VCL: variants seen among roughly 807,000 people sequenced by gnomAD.
VCL encodes vinculin.
In VCL, 47 loss-of-function variants were observed where a neutral mutation model predicts 125.7. The ratio of observed to expected loss-of-function variants is 0.37; its 90% CI spans 0.30 to 0.48. The LOEUF (loss-of-function observed/expected upper bound fraction) is 0.48, where lower values mean the gene tolerates loss of function less well. VCL is among the 20% of genes least tolerant of loss of function. The probability of loss-of-function intolerance (pLI) is 0.99; values close to 1 mark genes in which losing one functional copy is unlikely to be tolerated. For synonymous variants in VCL, 458 were observed against 514.6 expected, an observed-to-expected ratio of 0.89 and a Z score of 1.49; for missense variants, 1,069 against 1,455.5, an observed-to-expected ratio of 0.73 and a Z score of 4.32.
intron 8 of VCL, among the ~76,000 whole-genome samples, chr10:74,087,545 A>G (rs1407633195): frequency 1.6e-5 from 2 of 124,902 alleles, no homozygotes; most frequent in Non-Finnish European, 3.3e-5. Context: ...GATTTTTAGT[A>G]GAGACGGGGT....
chr10:74,066,927 C>T (rs1841579099), intron 2 of VCL, among the ~76,000 whole-genome samples: 1 of 152,116 alleles, frequency 6.6e-6, no homozygotes, highest in South Asian at 2.1e-4. Flanking sequence ...CTTGGCCTCC[C>T]AAAGTGCTGG....
chr10:74,002,402 G>A (rs1394346063), intron 1 of VCL, among the ~76,000 whole-genome samples: 2 of 152,050 alleles, frequency 1.3e-5, no homozygotes, highest in Non-Finnish European at 2.9e-5. Context: ...TGGGATTACA[G>A]GCGTGAGCCA....
In VCL at chr10:74,084,458, A is replaced by T. The variant is rs1414207854; in HGVS notation, c.1022+945A>T. On this transcript the variant is annotated intron_variant, in intron 8 of 21. Transcript: ENST00000211998. ...AGGCATGGGCTGCCACACCTGGCTA[A>T]TTTTTTATAATTTTAGTAGAGACAG... 3.3e-5 allele frequency among the ~76,000 whole-genome samples: 5 copies of T among 151,316 alleles called. No individual in the cohort carries two copies. The East Asian group carries it at 9.9e-4, about 30-fold the overall frequency.
intron 2 of VCL, among the ~76,000 whole-genome samples, chr10:74,060,067 T>C (rs1841454833): frequency 6.6e-6 from 1 of 151,276 alleles, no homozygotes; most frequent in East Asian, 2.0e-4. Flanking sequence ...GAGGCTGAGG[T>C]GGGAGGATCA....
intron 2 of VCL, 24 bp from the exon 3 acceptor site, chr10:74,070,646 G>A (rs746874425): frequency 1.9e-6 from 3 of 1,613,866 alleles, no homozygotes. Context: ...CTGCCGGTGT[G>A]TTAACCTGTG....
chr10:74,084,623 T>G (rs947560588), intron 8 of VCL, among the ~76,000 whole-genome samples: 1 of 151,138 alleles, frequency 6.6e-6, no homozygotes, highest in African/African-American at 2.4e-5. Flanking sequence ...TCTTTTTTAT[T>G]TTTTTGAGAT....
chr10:74,087,535 G>GTTTTTTTTTTTT (rs1839804570), intron 8 of VCL, among the ~76,000 whole-genome samples: 1 of 134,926 alleles, frequency 7.4e-6, no homozygotes, highest in Non-Finnish European at 1.6e-5. Context: ...TTTTTTTTTG[G>GTTTTTTTTTTTT]ATTTTTAGTA....
chr10:74,015,702 T>TGA (rs1220330636), intron 1 of VCL, among the ~76,000 whole-genome samples: 1 of 151,806 alleles, frequency 6.6e-6, no homozygotes, highest in African/African-American at 2.4e-5. Context: ...TTTTTTTTTT[T>TGA]GAGAGGAAGT....
intron 15 of VCL, 44 bp downstream of exon 15, chr10:74,103,972 T>C (rs1213691225): frequency 6.3e-7 from 1 of 1,587,404 alleles, no homozygotes; most frequent in East Asian, 2.2e-5. Context: ...CCATGAAGAA[T>C]GAGTTCTGAG....
chr10:74,089,572 C>T (rs1197666147), intron 9 of VCL, among the ~76,000 whole-genome samples: 5 of 152,172 alleles, frequency 3.3e-5, no homozygotes, highest in Admixed American at 6.5e-5. Flanking sequence ...TAATTTACAG[C>T]ACTTCAGTTA....
chr10:74,015,829 C>T (rs1840527546), intron 1 of VCL, among the ~76,000 whole-genome samples: 2 of 151,984 alleles, frequency 1.3e-5, no homozygotes, highest in Non-Finnish European at 2.9e-5. Context: ...GGATTACAGT[C>T]ATCCACCACC....
Position 74,028,954 on chromosome 10 carries a change from G to A in VCL, c.169-14129G>A, listed in dbSNP as rs372544727. On this transcript the variant is annotated intron_variant, in intron 1 of 21. Transcript: ENST00000211998. ...TTTGGGAGGCCCCTGGAGTAGTTGG[G>A]ACTACAGCTAGGTGCCACCATGCCC... 1.3e-5 allele frequency among the ~76,000 whole-genome samples: 2 copies of A among 152,078 alleles called. 1 individual carries two copies. The highest frequency in any genetic ancestry group is 4.8e-5 in the African/African-American group (2 of 41,508).
chr10:74,039,324 ATTCTT>A (rs1375381876), intron 1 of VCL, among the ~76,000 whole-genome samples: 1 of 145,760 alleles, frequency 6.9e-6, no homozygotes, highest in Non-Finnish European at 1.5e-5. Context: ...ACACAATTCT[ATTCTT>A]TTCTCCATTT....
Position 74,073,219 on chromosome 10 carries a change from G to A in VCL, c.622+367G>A, listed in dbSNP as rs114996724. Among the ~76,000 whole-genome samples, 1,142 of 152,246 alleles carry A rather than the reference G, an allele frequency of 7.5e-3. 17 individuals are homozygous for A. Among genetic ancestry groups the A allele is most frequent in the African/African-American group, 0.026 (1,082 of 41,532 alleles). Reference sequence around the variant, plus strand: ...CTCCCAGAGTGCTGGGATTACATGCGTGAGCCATGGCTCCTGGCCTGAGGT... The same window carrying A: ...CTCCCAGAGTGCTGGGATTACATGCATGAGCCATGGCTCCTGGCCTGAGGT... On this transcript the variant is annotated intron_variant, in intron 5 of 21. Coordinates refer to ENST00000211998, the MANE Select transcript of VCL (RefSeq NM_014000.3).
intron 21 of VCL, 25 bp from the exon 22 acceptor site, chr10:74,117,998 A>G (rs759451761): frequency 6.2e-7 from 1 of 1,613,458 alleles, no homozygotes; most frequent in Non-Finnish European, 8.5e-7. Flanking sequence ...ACCCTGGGTA[A>G]CGGAAAGTAC....
intron 2 of VCL, among the ~76,000 whole-genome samples, chr10:74,061,907 C>CTTTTT (rs11439344): frequency 7.7e-6 from 1 of 129,378 alleles, no homozygotes; most frequent in Non-Finnish European, 1.6e-5. Context: ...AACCAATCTA[C>CTTTTT]TTTTTTTTTT....
chr10:74,019,310 A>G (rs2136232433), intron 1 of VCL, among the ~76,000 whole-genome samples: 1 of 152,308 alleles, frequency 6.6e-6, no homozygotes, highest in African/African-American at 2.4e-5. Flanking sequence ...ATAGGTATAC[A>G]TGTGCCATGG....
intron 1 of VCL, among the ~76,000 whole-genome samples, chr10:74,016,636 A>T (rs1011468352): frequency 6.6e-6 from 1 of 152,206 alleles, no homozygotes; most frequent in Non-Finnish European, 1.5e-5. Context: ...TATTGTTTTG[A>T]GGCTGCAAGA....
intron 2 of VCL, among the ~76,000 whole-genome samples, chr10:74,050,115 A>G (rs1841273122): frequency 6.6e-6 from 1 of 152,224 alleles, no homozygotes; most frequent in Non-Finnish European, 1.5e-5. Context: ...GAACTTGAAA[A>G]GGGCATGGTG....
Sources: allele counts gnomAD v4.1 joint callset (sites outside exome capture counted in the v4.1 genomes callset), GRCh38; gene constraint gnomAD v4.1.1; transcripts MANE v1.5; gene names NCBI Gene and HGNC (gene_info 2026-07-23, HGNC 2026-07-21).